PCDH15: variants seen among roughly 807,000 people sequenced by gnomAD.
The protein encoded by PCDH15 is protocadherin-15.
In PCDH15, 129 loss-of-function variants were observed where a neutral mutation model predicts 178.5. The observed-to-expected ratio is 0.72, with a 90% confidence interval of 0.63 to 0.84. The LOEUF (loss-of-function observed/expected upper bound fraction) is 0.84, where lower values mean the gene tolerates loss of function less well. Ranked by LOEUF, PCDH15 falls within the 40% of genes least tolerant of loss-of-function variation. The pLI is 0.00. For synonymous variants in PCDH15, 800 were observed against 732.0 expected (o/e 1.09, Z -1.50); for missense variants, 2,230 against 2,099.9 (o/e 1.06, Z -1.21).
At chr10:53,878,181 GCACACACA>G (rs71004486) in intron 26 of PCDH15, among the ~76,000 whole-genome samples, 6 of 124,936 alleles carry the variant, frequency 4.8e-5, no homozygotes, top group Non-Finnish European at 8.1e-5. Context: ...CTATACTATG[GCACACACA>G]CACACACACA....
chr10:53,880,963 G>A (rs775566509), intron 26 of PCDH15, among the ~76,000 whole-genome samples: 25 of 151,988 alleles, frequency 1.6e-4, no homozygotes, highest in African/African-American at 3.1e-4. Context: ...GCTCTCCCTC[G>A]TGCTCTCTCT....
chr10:53,983,222 GTGTGTGTGTT>G (rs1435051026), intron 21 of PCDH15, among the ~76,000 whole-genome samples: 1 of 151,636 alleles, frequency 6.6e-6, no homozygotes, highest in Non-Finnish European at 1.5e-5. Flanking sequence ...TGGTTTGGGT[GTGTGTGTGTT>G]TGTGTGTGTG....
rs545426725 is a variant in PCDH15, at chr10:54,168,959, A to G, written c.1590+14485T>C. 8.5e-4 allele frequency among the ~76,000 whole-genome samples: 129 copies of G among 152,206 alleles called. 1 individual carries two copies. The South Asian group carries it at 0.017, about 20-fold the overall frequency. On this transcript the variant is annotated intron_variant, in intron 13 of 37. Transcript: ENST00000644397. ...ACCCCAGCCACATCTCCAGCACAAAAGAACTTCCAAATGCCTGAACCGCAG... is the reference window on the plus strand; with the variant it reads ...ACCCCAGCCACATCTCCAGCACAAAGGAACTTCCAAATGCCTGAACCGCAG...
At chr10:55,526,531 A>G (rs1841304702) in intron 2 of PCDH15, among the ~76,000 whole-genome samples, 1 of 151,902 alleles carries the variant, frequency 6.6e-6, no homozygotes, top group African/African-American at 2.4e-5. Flanking sequence ...TTAGCACAAC[A>G]CCTTATTGTG....
chr10:54,144,654 T>G (rs2043733848), intron 14 of PCDH15, among the ~76,000 whole-genome samples: 1 of 152,184 alleles, frequency 6.6e-6, no homozygotes, highest in Non-Finnish European at 1.5e-5. Context: ...CTTCCTTGCC[T>G]ATAATTGCTG....
At chr10:54,801,301 G>C (rs907716549), upstream of PCDH15, 5 of 152,146 alleles carry the variant, frequency 3.3e-5, no homozygotes, top group African/African-American at 1.2e-4. Flanking sequence ...GATTTCACTG[G>C]CACTGAAGCA....
intron 20 of PCDH15, among the ~76,000 whole-genome samples, chr10:53,995,995 G>A (rs140975710): frequency 6.6e-6 from 1 of 152,058 alleles, no homozygotes; most frequent in Non-Finnish European, 1.5e-5. Context: ...CTGGAATAAA[G>A]TCTTTCACCC....
intron 1 of PCDH15, among the ~76,000 whole-genome samples, chr10:55,217,026 A>C (rs56229660): frequency 0.16 from 24,125 of 151,894 alleles, 2,597 homozygotes; most frequent in Non-Finnish European, 0.24. Context: ...TATGACTTAT[A>C]ATATGATTGG....
chr10:54,968,023 T>C (rs992054005), intron 2 of PCDH15, among the ~76,000 whole-genome samples: 2 of 152,162 alleles, frequency 1.3e-5, no homozygotes, highest in Admixed American at 6.6e-5. Flanking sequence ...TTGGGGGTTA[T>C]AGTTTTAACA....
At chr10:54,102,722 G>T (rs1236746047) in intron 15 of PCDH15, among the ~76,000 whole-genome samples, 2 of 152,160 alleles carry the variant, frequency 1.3e-5, no homozygotes, top group African/African-American at 4.8e-5. Context: ...CAATGTGGGG[G>T]TTCTGCCAGC....
At chr10:54,132,153 C>T (rs2042490921) in intron 15 of PCDH15, among the ~76,000 whole-genome samples, 2 of 152,112 alleles carry the variant, frequency 1.3e-5, no homozygotes, top group African/African-American at 4.8e-5. Flanking sequence ...TCTTATGATT[C>T]TTATGATTGG....
At chr10:54,877,936 C>CTTTTTTTTTTTTTTTTTT in intron 3 of PCDH15, among the ~76,000 whole-genome samples, 2 of 104,354 alleles carry the variant, frequency 1.9e-5, no homozygotes, top group Non-Finnish European at 4.0e-5. Flanking sequence ...CTCTCTCTCT[C>CTTTTTTTTTTTTTTTTTT]TCTTTTTTTT....
intron 2 of PCDH15, 90 bp from the exon 3 acceptor site, chr10:54,527,967 A>C: frequency 9.7e-7 from 1 of 1,034,414 alleles, no homozygotes; most frequent in Non-Finnish European, 1.5e-6. Context: ...TTAATATTTA[A>C]AAAGGAAAAT....
intron 2 of PCDH15, among the ~76,000 whole-genome samples, chr10:54,569,476 T>A (rs547973212): frequency 6.6e-4 from 100 of 152,266 alleles, no homozygotes; most frequent in Middle Eastern, 3.4e-3. Context: ...AATGTTAAAA[T>A]CATTAGTACA....
chr10:55,189,911 C>T (rs1839898526), intron 1 of PCDH15, among the ~76,000 whole-genome samples: 1 of 151,710 alleles, frequency 6.6e-6, no homozygotes, highest in Non-Finnish European at 1.5e-5. Context: ...ATTATTAATA[C>T]AATATGCATG....
intron 30 of PCDH15, among the ~76,000 whole-genome samples, chr10:53,830,968 T>G (rs2076980963): frequency 6.6e-6 from 1 of 152,204 alleles, no homozygotes; most frequent in Admixed American, 6.5e-5. Context: ...TATCCGCATA[T>G]GACATTCCAT....
At chr10:55,031,444 T>C (rs960723427) in intron 2 of PCDH15, among the ~76,000 whole-genome samples, 81 of 152,122 alleles carry the variant, frequency 5.3e-4, no homozygotes, top group Non-Finnish European at 8.8e-5. Flanking sequence ...AGGGTAGGCT[T>C]CAGGATTATT....
At chr10:54,328,170 C>G (rs140929916) in intron 7 of PCDH15, among the ~76,000 whole-genome samples, 65 of 149,538 alleles carry the variant, frequency 4.3e-4, no homozygotes, top group African/African-American at 1.1e-3. Context: ...TCCCTGACAT[C>G]CACTGATCTT....
chr10:53,884,359 G>C (rs1183892676), intron 26 of PCDH15, among the ~76,000 whole-genome samples: 1 of 152,040 alleles, frequency 6.6e-6, no homozygotes, highest in Non-Finnish European at 1.5e-5. Context: ...TCTTAATTCT[G>C]GTAGTTAGAA....
Sources: allele counts gnomAD v4.1 joint callset (sites outside exome capture counted in the v4.1 genomes callset), GRCh38; gene constraint gnomAD v4.1.1; transcripts MANE v1.5; gene names NCBI Gene and HGNC (gene_info 2026-07-23, HGNC 2026-07-21).